Variants in AKAP6 observed in about 807,000 individuals in gnomAD.
AKAP6 encodes A-kinase anchor protein 6.
In AKAP6, 58 loss-of-function variants were observed where a neutral mutation model predicts 188.5. The observed-to-expected ratio is 0.31, with a 90% CI of 0.25 to 0.38. AKAP6 has a LOEUF of 0.38. AKAP6 is among the 10% of genes least tolerant of loss of function. The pLI is 1.00. For synonymous variants in AKAP6, 989 were observed against 998.6 expected (o/e 0.99, Z 0.18); for missense variants, 2,710 against 2,740.0 (o/e 0.99, Z 0.24).
intron 1 of AKAP6, among the ~76,000 whole-genome samples, chr14:32,382,380 C>T (rs767727789): frequency 4.8e-4 from 73 of 152,120 alleles, no homozygotes; most frequent in Non-Finnish European, 8.2e-4. Flanking sequence ...ACTGTGTGAG[C>T]GCTGGGCGGG....
At chr14:32,473,760 T>TA (rs1878906132) in intron 2 of AKAP6, 1 of 152,300 alleles carries the variant, frequency 6.6e-6, no homozygotes, top group Non-Finnish European at 1.5e-5. Context: ...ATCCACCACA[T>TA]ATGTGGCTTT....
At chr14:32,790,649 G>A (rs112658052) in intron 12 of AKAP6, among the ~76,000 whole-genome samples, 106 of 152,118 alleles carry the variant, frequency 7.0e-4, no homozygotes, top group African/African-American at 2.5e-3. Context: ...TGTGCAGAAC[G>A]TGCAGGTTTG....
chr14:32,816,027 A>G (rs777006548), intron 12 of AKAP6, among the ~76,000 whole-genome samples: 6 of 152,142 alleles, frequency 3.9e-5, no homozygotes, highest in Non-Finnish European at 7.4e-5. Flanking sequence ...ATTGAACATT[A>G]TTCTTTTTAT....
chr14:32,721,848 T>C (rs374102169), intron 9 of AKAP6, among the ~76,000 whole-genome samples: 1 of 152,176 alleles, frequency 6.6e-6, no homozygotes, highest in Non-Finnish European at 1.5e-5. Flanking sequence ...AGCTCAACTT[T>C]CTAAAACAGA....
chr14:32,725,125 C>A (rs769816752), intron 9 of AKAP6, among the ~76,000 whole-genome samples: 1 of 150,908 alleles, frequency 6.6e-6, no homozygotes, highest in Non-Finnish European at 1.5e-5. Flanking sequence ...TGCCTGCTTA[C>A]GTTTTTTGCC....
chr14:32,419,734 C>T (rs1889776762), intron 1 of AKAP6, among the ~76,000 whole-genome samples: 1 of 151,730 alleles, frequency 6.6e-6, no homozygotes, highest in Admixed American at 6.6e-5. Context: ...CAAATGCAAC[C>T]TCATTATTGA....
At chr14:32,415,935 A>T (rs1889643160) in intron 1 of AKAP6, among the ~76,000 whole-genome samples, 2 of 152,296 alleles carry the variant, frequency 1.3e-5, no homozygotes, top group East Asian at 1.9e-4. Context: ...CTGTTTTGCC[A>T]TTCATCTGTT....
intron 2 of AKAP6, among the ~76,000 whole-genome samples, chr14:32,440,658 G>A (rs1424504358): frequency 1.3e-5 from 2 of 152,086 alleles, no homozygotes; most frequent in African/African-American, 4.8e-5. Flanking sequence ...GTAATCTGGT[G>A]CTGTTTGTGT....
At chr14:32,523,213 G>A (rs1429575927) in intron 2 of AKAP6, among the ~76,000 whole-genome samples, 5 of 152,054 alleles carry the variant, frequency 3.3e-5, no homozygotes, top group Admixed American at 1.3e-4. Context: ...AACATTAGGA[G>A]ATATACCTAA....
chr14:32,341,308 G>A (rs995793798), intron 1 of AKAP6, among the ~76,000 whole-genome samples: 20 of 152,142 alleles, frequency 1.3e-4, no homozygotes, highest in Admixed American at 6.5e-5. Context: ...CACTGCTGCT[G>A]TAGACATTCA....
intron 1 of AKAP6, among the ~76,000 whole-genome samples, chr14:32,360,920 AT>A (rs869198918): frequency 6.6e-6 from 1 of 151,024 alleles, no homozygotes; most frequent in Non-Finnish European, 1.5e-5. Context: ...ATTAAAAAAA[AT>A]TTTTTTTGTA....
At chr14:32,538,884 A>G (rs1298339925) in intron 3 of AKAP6, among the ~76,000 whole-genome samples, 3 of 152,200 alleles carry the variant, frequency 2.0e-5, no homozygotes, top group Admixed American at 6.5e-5. Flanking sequence ...AAAAAGAAGA[A>G]TTTAAGTGAA....
At chr14:32,523,179 G>T (rs1459658399) in intron 2 of AKAP6, among the ~76,000 whole-genome samples, 1 of 151,914 alleles carries the variant, frequency 6.6e-6, no homozygotes, top group Non-Finnish European at 1.5e-5. Flanking sequence ...GCCTGTCTTG[G>T]GGTGGGGGAA....
At chr14:32,737,092 G>C (rs1021820684) in intron 11 of AKAP6, among the ~76,000 whole-genome samples, 1 of 152,100 alleles carries the variant, frequency 6.6e-6, no homozygotes, top group Non-Finnish European at 1.5e-5. Context: ...CTCTACTGCA[G>C]GGAGATGGAA....
chr14:32,553,136 CT>C lies in AKAP6; in HGVS notation c.2346+6144del, dbSNP rs1448976231. 9.9e-5 allele frequency among the ~76,000 whole-genome samples: 15 copies of C among 151,048 alleles called. No homozygotes were observed. The East Asian group carries it at 1.4e-3, about 14-fold the overall frequency. Reference sequence around the variant, plus strand: ...GACTAATTTTGTAAAACAAAAGATTCTTTTTTTCTTTTTCTTTTCTTTTTTC... The same window carrying C: ...GACTAATTTTGTAAAACAAAAGATTCTTTTTTCTTTTTCTTTTCTTTTTTC... On this transcript the variant is annotated intron_variant, in intron 4 of 13. Transcript: ENST00000280979.
At chr14:32,412,970 A>G (rs1889536050) in intron 1 of AKAP6, among the ~76,000 whole-genome samples, 1 of 152,138 alleles carries the variant, frequency 6.6e-6, no homozygotes, top group Non-Finnish European at 1.5e-5. Context: ...AAGATAATCA[A>G]TCTCACCATG....
chr14:32,704,824 C>A lies in AKAP6; in HGVS notation c.3000+8714C>A, dbSNP rs184705420. 3.2e-3 allele frequency among the ~76,000 whole-genome samples: 481 copies of A among 152,214 alleles called. 4 individuals are homozygous for A. The highest frequency in any genetic ancestry group is 0.011 in the African/African-American group (446 of 41,528). On this transcript the variant is annotated intron_variant, in intron 9 of 13. Transcript: ENST00000280979. ...AAGGCATTGGTTATCATAATTATAA[C>A]CACAAGGAAATGTATAAGGTACATA...
intron 4 of AKAP6, among the ~76,000 whole-genome samples, chr14:32,559,448 A>C (rs1228278915): frequency 1.3e-5 from 2 of 152,206 alleles, no homozygotes; most frequent in Non-Finnish European, 2.9e-5. Context: ...ACAATTTTTA[A>C]ATAGGTCAAA....
At chr14:32,426,382 C>T (rs1890032464) in intron 1 of AKAP6, among the ~76,000 whole-genome samples, 1 of 152,070 alleles carries the variant, frequency 6.6e-6, no homozygotes, top group African/African-American at 2.4e-5. Context: ...TGAAGAGTCA[C>T]ATATACATAG....
Sources: allele counts gnomAD v4.1 joint callset (sites outside exome capture counted in the v4.1 genomes callset), GRCh38; gene constraint gnomAD v4.1.1; transcripts MANE v1.5; gene names NCBI Gene and HGNC (gene_info 2026-07-23, HGNC 2026-07-21).